RPA3: variants seen among roughly 807,000 people sequenced by gnomAD.
The protein encoded by RPA3 is replication protein A3.
Under a neutral mutation model 13.7 loss-of-function variants are expected in RPA3, and 24 were observed. The ratio of observed to expected loss-of-function variants is 1.75; its 90% CI spans 1.27 to 2.46. The LOEUF (loss-of-function observed/expected upper bound fraction) is 2.46. Ranked by LOEUF, RPA3 falls within the 30% of genes most tolerant of loss-of-function variation. RPA3 has a pLI of 0.00. For missense variants in RPA3, 183 were observed against 151.0 expected (o/e 1.21, Z -1.11); for synonymous variants, 59 against 51.2 (o/e 1.15, Z -0.65).
chr7:7,650,894 A>G (rs1785210174), intron 4 of RPA3, among the ~76,000 whole-genome samples: 3 of 152,120 alleles, frequency 2.0e-5, no homozygotes, highest in Admixed American at 1.3e-4. Context: ...TCCCTCCCCA[A>G]CACTTTATTA....
At chr7:7,697,538 A>G (rs958209629) in intron 2 of RPA3, among the ~76,000 whole-genome samples, 31 of 152,318 alleles carry the variant, frequency 2.0e-4, no homozygotes, top group African/African-American at 6.7e-4. Context: ...GTCCTGCTCA[A>G]AATTTTCCAA....
chr7:7,640,526 G>A lies in RPA3; in HGVS notation c.-108C>T, dbSNP rs748160377. 3.0e-6 allele frequency: 3 copies of A among 996,688 alleles called. No individual in the cohort carries two copies. The highest frequency in any genetic ancestry group is 4.9e-5 in the East Asian group (2 of 40,804). 61.7% of individuals were successfully genotyped at this position (996,688 alleles called of 1,614,324 possible). A position where few individuals can be genotyped will look rare whatever the true frequency, so the allele number is the denominator to read the frequency against. ...TCTCGGCACCAATCAGCGAAGACTA[G>A]CGCTCCAGCTTCGCCAATTAAATGC... On this transcript the variant is annotated 5_prime_UTR_variant, in exon 5 of 8. Transcript: ENST00000223129.
At chr7:7,663,600 T>C (rs1007306751) in intron 4 of RPA3, among the ~76,000 whole-genome samples, 10 of 151,860 alleles carry the variant, frequency 6.6e-5, no homozygotes, top group Middle Eastern at 3.4e-3. Context: ...ATCAGGTCTC[T>C]ACTATGAATC....
chr7:7,715,502 G>A (rs1780879000), intron 1 of RPA3, among the ~76,000 whole-genome samples: 1 of 152,134 alleles, frequency 6.6e-6, no homozygotes, highest in African/African-American at 2.4e-5. Context: ...AAACATTCAT[G>A]CATTCCGACA....
At chr7:7,647,426 A>T (rs1785121835) in intron 4 of RPA3, among the ~76,000 whole-genome samples, 1 of 152,178 alleles carries the variant, frequency 6.6e-6, no homozygotes, top group Non-Finnish European at 1.5e-5. Context: ...ACAATTTTTC[A>T]TGTGTGCTTG....
chr7:7,655,287 G>A (rs779086250), intron 4 of RPA3, among the ~76,000 whole-genome samples: 7 of 152,136 alleles, frequency 4.6e-5, no homozygotes, highest in African/African-American at 7.2e-5. Context: ...CCTGTATTGC[G>A]TTTAAGGATT....
In RPA3 at chr7:7,647,886, T is replaced by C. The variant is rs368656248; in HGVS notation, c.-757-6711A>G. Among the ~76,000 whole-genome samples the C allele has an allele frequency of 2.1e-4, 32 of 152,338 alleles. 1 individual carries two copies. Among genetic ancestry groups the C allele is most frequent in the African/African-American group, 7.2e-4 (30 of 41,574 alleles). Reference sequence around the variant, plus strand: ...TCTCAGAGTGCTAGGATTACAGGTGTGAGTCACTGTGCCTGGCTTGGCTTT... The same window carrying C: ...TCTCAGAGTGCTAGGATTACAGGTGCGAGTCACTGTGCCTGGCTTGGCTTT... On this transcript the variant is annotated intron_variant, in intron 4 of 7. Coordinates refer to ENST00000223129, the MANE Select transcript of RPA3 (RefSeq NM_002947.5).
chr7:7,693,295 TTATCTATCTATC>T (rs1250261083), intron 2 of RPA3, among the ~76,000 whole-genome samples: 21 of 148,886 alleles, frequency 1.4e-4, no homozygotes, highest in East Asian at 4.0e-4. Context: ...TAAAATATCT[TTATCTATCTATC>T]TATCTATCTA....
chr7:7,678,388 AG>A (rs1237043421), intron 4 of RPA3, among the ~76,000 whole-genome samples: 1 of 147,380 alleles, frequency 6.8e-6, no homozygotes, highest in Non-Finnish European at 1.5e-5. Context: ...GTATGTCTTG[AG>A]AAATAGCTAT....
At position 7,639,113 on chromosome 7, in the gene RPA3, G is replaced by C; in HGVS notation, c.131C>G (p.Ser44Ter). The change falls in exon 6 of 8, where the codon TCA (serine) becomes TGA (stop). Residue 44 changes from serine to a stop codon, truncating the protein, a stop_gained. Transcript: ENST00000223129. LOFTEE classifies it high-confidence loss of function. Reference protein sequence around the residue: ...IHPTGKMFILSDGEGKNGTIE... With the variant: ...IHPTGKMFIL ...GGTTCCATTTTTTCCTTCTCCATCT[G>C]AAAGAATAAACATTTTTCCGGTGGG... 6.2e-7 allele frequency: 1 copy of C among 1,612,098 alleles called. No homozygotes were observed. Among genetic ancestry groups the C allele is most frequent in the Non-Finnish European group, 8.5e-7 (1 of 1,179,186 alleles).
At chr7:7,667,688 G>A (rs970996642) in intron 4 of RPA3, among the ~76,000 whole-genome samples, 3 of 152,178 alleles carry the variant, frequency 2.0e-5, no homozygotes, top group Admixed American at 2.0e-4. Context: ...CAAGGCTTGG[G>A]AAAGTAGGGA....
intron 4 of RPA3, among the ~76,000 whole-genome samples, chr7:7,667,375 G>A (rs889639658): frequency 1.3e-5 from 2 of 152,184 alleles, no homozygotes; most frequent in Non-Finnish European, 2.9e-5. Flanking sequence ...CAGCTGTCAA[G>A]GCCATGCATA....
chr7:7,678,423 T>C (rs1779804757), intron 4 of RPA3, among the ~76,000 whole-genome samples: 1 of 144,278 alleles, frequency 6.9e-6, no homozygotes, highest in Non-Finnish European at 1.5e-5. Flanking sequence ...AAAATATATT[T>C]ATATATTATT....
At chr7:7,708,971 G>A (rs1371906598) in intron 2 of RPA3, among the ~76,000 whole-genome samples, 3 of 151,940 alleles carry the variant, frequency 2.0e-5, no homozygotes, top group Non-Finnish European at 2.9e-5. Flanking sequence ...GAGAAAGGGA[G>A]AGGAAGGGAG....
intron 4 of RPA3, among the ~76,000 whole-genome samples, chr7:7,670,313 T>A (rs1287302327): frequency 6.6e-6 from 1 of 152,194 alleles, no homozygotes; most frequent in African/African-American, 2.4e-5. Context: ...AAGACTGTTA[T>A]TCATATGTTA....
chr7:7,690,371 TA>T (rs1207823228), intron 2 of RPA3, among the ~76,000 whole-genome samples: 2 of 152,172 alleles, frequency 1.3e-5, no homozygotes, highest in Non-Finnish European at 2.9e-5. Flanking sequence ...AAAATCACTT[TA>T]TAAAGTTTAA....
intron 2 of RPA3, among the ~76,000 whole-genome samples, chr7:7,695,773 A>G (rs572125320): frequency 3.3e-5 from 5 of 152,254 alleles, no homozygotes; most frequent in East Asian, 1.9e-4. Context: ...TTATCTGTCA[A>G]TGTGTCACCT....
chr7:7,637,618 CATACAATTT>C (rs1224439236), intron 7 of RPA3, among the ~76,000 whole-genome samples: 24 of 150,524 alleles, frequency 1.6e-4, no homozygotes, highest in Middle Eastern at 3.5e-3. Flanking sequence ...GTATGTAATA[CATACAATTT>C]TGTATGTAAT....
At chr7:7,703,673 T>G (rs573866338) in intron 2 of RPA3, among the ~76,000 whole-genome samples, 2 of 152,286 alleles carry the variant, frequency 1.3e-5, no homozygotes, top group South Asian at 4.1e-4. Context: ...GTTTTAATTA[T>G]GAAACGCAGA....
Sources: gnomAD v4.1 joint callset for allele counts (sites outside exome capture counted in the v4.1 genomes callset) on GRCh38, gnomAD v4.1.1 for gene constraint, MANE v1.5 for transcripts, NCBI Gene and HGNC (gene_info 2026-07-23, HGNC 2026-07-21) for gene names.